Variants in BNC2 observed in about 807,000 individuals in gnomAD.
BNC2 encodes basonuclin zinc finger protein 2, also known as zinc finger protein basonuclin-2.
Under a neutral mutation model 76.3 loss-of-function variants are expected in BNC2, and 20 were observed. That is an observed-to-expected ratio of 0.26 (90% CI 0.18 to 0.38). The LOEUF (loss-of-function observed/expected upper bound fraction) is 0.38. BNC2 is among the 10% of genes least tolerant of loss of function. BNC2 has a pLI of 1.00. For synonymous variants in BNC2, 582 were observed against 514.8 expected, an observed-to-expected ratio of 1.13 and a Z score of -1.77; for missense variants, 1,382 against 1,399.8, an observed-to-expected ratio of 0.99 and a Z score of 0.20.
chr9:16,490,374 C>T (rs1008398909), intron 5 of BNC2, among the ~76,000 whole-genome samples: 2 of 152,070 alleles, frequency 1.3e-5, no homozygotes, highest in Admixed American at 1.3e-4. Flanking sequence ...GAACGACCAG[C>T]CCCCATGATT....
chr9:16,565,872 G>C (rs1819152240), intron 4 of BNC2, among the ~76,000 whole-genome samples: 1 of 151,680 alleles, frequency 6.6e-6, no homozygotes, highest in Non-Finnish European at 1.5e-5. Context: ...AACTGGATAT[G>C]TGACATGAGA....
intron 3 of BNC2, among the ~76,000 whole-genome samples, chr9:16,653,755 T>C (rs942978270): frequency 6.6e-6 from 1 of 152,120 alleles, no homozygotes; most frequent in Non-Finnish European, 1.5e-5. Flanking sequence ...ACAGTCTCTG[T>C]CTCTGTACAA....
intron 5 of BNC2, among the ~76,000 whole-genome samples, chr9:16,483,159 C>T (rs1014588286): frequency 6.6e-6 from 1 of 152,128 alleles, no homozygotes; most frequent in African/African-American, 2.4e-5. Flanking sequence ...ATGAAAAACT[C>T]GGTTTTCCCC....
chr9:16,861,469 T>C (rs1819409379), intron 1 of BNC2, among the ~76,000 whole-genome samples: 1 of 151,314 alleles, frequency 6.6e-6, no homozygotes, highest in Admixed American at 6.6e-5. Flanking sequence ...CACTTAAAAC[T>C]GCATAATAAA....
chr9:16,805,334 G>T (rs7865762), intron 1 of BNC2, among the ~76,000 whole-genome samples: 69,852 of 150,290 alleles, frequency 0.46, 20,867 homozygotes, highest in East Asian at 1. Context: ...TTTTTTGTTG[G>T]TTTTTTTTTG....
At chr9:16,672,902 A>C (rs1420772787) in intron 3 of BNC2, among the ~76,000 whole-genome samples, 1 of 152,218 alleles carries the variant, frequency 6.6e-6, no homozygotes, top group East Asian at 1.9e-4. Context: ...ACATAAAGAA[A>C]CCAACTTCAC....
At chr9:16,432,267 G>A (rs1820923419) in intron 6 of BNC2, among the ~76,000 whole-genome samples, 1 of 152,182 alleles carries the variant, frequency 6.6e-6, no homozygotes, top group Admixed American at 6.5e-5. Flanking sequence ...AATCTTGCAT[G>A]TGTCTCTCCC....
intron 1 of BNC2, among the ~76,000 whole-genome samples, chr9:16,845,385 T>G (rs1049849794): frequency 6.6e-6 from 1 of 152,288 alleles, no homozygotes; most frequent in Middle Eastern, 3.4e-3. Context: ...CTACAAGTCA[T>G]AATATACGCA....
intron 3 of BNC2, among the ~76,000 whole-genome samples, chr9:16,640,576 G>A (rs80229187): frequency 2.0e-5 from 3 of 152,078 alleles, no homozygotes; most frequent in African/African-American, 7.2e-5. Flanking sequence ...TCAATTAAGC[G>A]GTCATTCTAT....
chr9:16,820,290 G>T (rs941676315), intron 1 of BNC2, among the ~76,000 whole-genome samples: 1 of 144,334 alleles, frequency 6.9e-6, no homozygotes, highest in African/African-American at 2.6e-5. Flanking sequence ...GCTGGGCGTG[G>T]TGGCAGGTGC....
In BNC2 at chr9:16,809,608, T is replaced by C. The variant is rs367905590; in HGVS notation, c.3+61038A>G. Among the ~76,000 whole-genome samples the C allele has an allele frequency of 3.8e-4, 58 of 152,152 alleles. 2 individuals carry two copies. In the South Asian group the frequency reaches 0.012, roughly 31 times the overall value. ...AGGAGTCTCCTGAACCAAGACCGAATGCGTTGTAATGTACTGAGTATTAGC... is the reference window on the plus strand; with the variant it reads ...AGGAGTCTCCTGAACCAAGACCGAACGCGTTGTAATGTACTGAGTATTAGC... On this transcript the variant is annotated intron_variant, in intron 1 of 6. Coordinates refer to ENST00000380672, the MANE Select transcript of BNC2 (RefSeq NM_017637.6).
chr9:16,726,093 A>T (rs993620619), intron 3 of BNC2, among the ~76,000 whole-genome samples: 3 of 152,176 alleles, frequency 2.0e-5, no homozygotes, highest in Non-Finnish European at 4.4e-5. Context: ...TTTGGTACTA[A>T]GGTTAGCGAA....
chr9:16,808,982 C>G (rs948099229), intron 1 of BNC2, among the ~76,000 whole-genome samples: 1 of 152,172 alleles, frequency 6.6e-6, no homozygotes, highest in East Asian at 1.9e-4. Context: ...ACCAGCCATA[C>G]TGAGAAGAGA....
intron 3 of BNC2, among the ~76,000 whole-genome samples, chr9:16,707,142 C>T (rs1823700119): frequency 1.3e-5 from 2 of 151,810 alleles, no homozygotes; most frequent in South Asian, 2.1e-4. Context: ...GCGGAGCTTG[C>T]AGTGAGCTGA....
chr9:16,486,114 G>A lies in BNC2; in HGVS notation c.670-48590C>T, dbSNP rs543235451. Among the ~76,000 whole-genome samples, 25 of 152,210 alleles carry A rather than the reference G, an allele frequency of 1.6e-4. No homozygotes were observed. The East Asian group carries it at 4.6e-3, about 28-fold the overall frequency. The stretch of plus-strand genomic sequence containing the variant: ...TTCCTGCTTTGTTGTTTCCACCCCC[G>A]TGCTGGGAGGCTAATGTGTTTGAGG... On this transcript the variant is annotated intron_variant, in intron 5 of 6. Coordinates refer to ENST00000380672, the MANE Select transcript of BNC2 (RefSeq NM_017637.6).
intron 3 of BNC2, among the ~76,000 whole-genome samples, chr9:16,669,749 A>G (rs370970358): frequency 6.6e-6 from 1 of 152,226 alleles, no homozygotes; most frequent in East Asian, 1.9e-4. Context: ...TAAGCAGTAC[A>G]TATTTCTTTA....
chr9:16,487,556 T>C (rs947328859), intron 5 of BNC2, among the ~76,000 whole-genome samples: 1 of 152,202 alleles, frequency 6.6e-6, no homozygotes, highest in African/African-American at 2.4e-5. Context: ...CAGAACAATA[T>C]TAATAGTTGA....
chr9:16,669,616 A>G (rs1386801769), intron 3 of BNC2, among the ~76,000 whole-genome samples: 1 of 152,214 alleles, frequency 6.6e-6, no homozygotes, highest in East Asian at 1.9e-4. Flanking sequence ...TTAAAATACA[A>G]TAACTTATTG....
At chr9:16,804,818 C>A (rs1399098688) in intron 1 of BNC2, among the ~76,000 whole-genome samples, 1 of 152,054 alleles carries the variant, frequency 6.6e-6, no homozygotes, top group Non-Finnish European at 1.5e-5. Context: ...AATCCCAGCA[C>A]TTTGGGAGGC....
Sources: allele counts gnomAD v4.1 joint callset (sites outside exome capture counted in the v4.1 genomes callset), GRCh38; gene constraint gnomAD v4.1.1; transcripts MANE v1.5; gene names NCBI Gene and HGNC (gene_info 2026-07-23, HGNC 2026-07-21).